The following RC3H1 variants were observed in gnomAD, a reference collection of about 807,000 sequenced individuals.
RC3H1 encodes the protein ring finger and CCCH-type domains 1.
Under a neutral mutation model 138.2 loss-of-function variants are expected in RC3H1, and 50 were observed. That is an observed-to-expected ratio of 0.36 (90% CI 0.29 to 0.46). The LOEUF (loss-of-function observed/expected upper bound fraction) is 0.46. RC3H1 is among the 20% of genes least tolerant of loss of function. The probability of loss-of-function intolerance (pLI) is 1.00; values close to 1 mark genes in which losing one functional copy is unlikely to be tolerated. For missense variants in RC3H1, 1,031 were observed against 1,388.1 expected, an observed-to-expected ratio of 0.74 and a Z score of 4.09; for synonymous variants, 462 against 489.1, an observed-to-expected ratio of 0.94 and a Z score of 0.73.
chr1:173,999,924 A>G (rs1236385334), intron 1 of RC3H1, among the ~76,000 whole-genome samples: 1 of 152,226 alleles, frequency 6.6e-6, no homozygotes, highest in East Asian at 1.9e-4. Context: ...ACTCAAACTC[A>G]GGACAGCCAA....
chr1:173,964,697 T>C (rs1469202529), intron 10 of RC3H1, 142 bp downstream of exon 10: 2 of 776,698 alleles, frequency 2.6e-6, no homozygotes, highest in Admixed American at 2.9e-5. Context: ...AACACTAGCA[T>C]GGGAAATAAA....
At chr1:173,968,856 A>ATTTTTTTT (rs370550482) in intron 9 of RC3H1, among the ~76,000 whole-genome samples, 3 of 128,090 alleles carry the variant, frequency 2.3e-5, no homozygotes, top group Non-Finnish European at 3.3e-5. Flanking sequence ...AGGAATTTTG[A>ATTTTTTTT]TTTTTTTTTT....
At chr1:173,992,618 A>G in intron 2 of RC3H1, 137 bp downstream of exon 2, 1 of 640,890 alleles carries the variant, frequency 1.6e-6, no homozygotes, top group Non-Finnish European at 2.7e-6. Flanking sequence ...ATAGAAGGCA[A>G]TGTTACCCAA....
In RC3H1 at chr1:173,934,625, T is replaced by C. The variant is rs1030548419; in HGVS notation, c.*4096A>G. On this transcript the variant is annotated 3_prime_UTR_variant, in exon 20 of 20. Transcript: ENST00000367696. ...GTTACCATTCTTAACCAGACCTTTG[T>C]TTGCCTACCAGTAGGGCAAATACCA... 1.3e-5 allele frequency: 2 copies of C among 152,164 alleles called. No individual in the cohort carries two copies. The highest frequency in any genetic ancestry group is 1.5e-5 in the Non-Finnish European group (1 of 68,024). The allele number at this position is 152,164 out of a possible 1,614,324, so 9.4% of individuals were successfully genotyped here.
At chr1:173,948,621 T>C (rs1211200717) in intron 14 of RC3H1, among the ~76,000 whole-genome samples, 2 of 152,146 alleles carry the variant, frequency 1.3e-5, no homozygotes, top group African/African-American at 4.8e-5. Flanking sequence ...TTGTTTGTTT[T>C]TGAGACAGGG....
chr1:174,005,107 T>C (rs1349045766), intron 1 of RC3H1, among the ~76,000 whole-genome samples: 1 of 152,202 alleles, frequency 6.6e-6, no homozygotes, highest in East Asian at 1.9e-4. Context: ...AACAGTTGCA[T>C]GCAACAGAAG....
chr1:173,954,466 A>G (rs1269511726), intron 13 of RC3H1, among the ~76,000 whole-genome samples: 1 of 152,150 alleles, frequency 6.6e-6, no homozygotes, highest in African/African-American at 2.4e-5. Context: ...ACAGATACAA[A>G]ATTATAGCTA....
At chr1:173,982,122 G>A (rs1660846273) in intron 5 of RC3H1, among the ~76,000 whole-genome samples, 2 of 152,212 alleles carry the variant, frequency 1.3e-5, no homozygotes, top group Non-Finnish European at 2.9e-5. Context: ...GCTCACGCTT[G>A]TAATCCCAGC....
chr1:173,950,259 T>C (rs1167530321), intron 14 of RC3H1, among the ~76,000 whole-genome samples: 2 of 151,910 alleles, frequency 1.3e-5, no homozygotes, highest in Non-Finnish European at 2.9e-5. Context: ...TATAAACATA[T>C]AAAACAATAT....
At chr1:173,976,435 G>C (rs1159885546) in intron 7 of RC3H1, among the ~76,000 whole-genome samples, 2 of 150,058 alleles carry the variant, frequency 1.3e-5, no homozygotes, top group South Asian at 2.1e-4. Context: ...CTGGGGGACA[G>C]AGTGAAACTG....
intron 13 of RC3H1, among the ~76,000 whole-genome samples, chr1:173,957,852 C>T (rs1355509302): frequency 6.6e-6 from 1 of 152,120 alleles, no homozygotes; most frequent in Admixed American, 6.6e-5. Flanking sequence ...TGAGCTAATG[C>T]ACACCTGGCT....
At position 173,987,519 on chromosome 1, in the gene RC3H1, A is replaced by T. The variant is rs1421433604; in HGVS notation, c.232-2900T>A. Among the ~76,000 whole-genome samples the T allele has an allele frequency of 2.0e-5, 3 of 152,076 alleles. No homozygotes were observed. In the East Asian group the frequency reaches 5.8e-4, roughly 29 times the overall value. ...TTTTGAATACTTCTCTATACTTTCCAGTGCTACAAGCTACTCCAGACTCAT... is the reference window on the plus strand; with the variant it reads ...TTTTGAATACTTCTCTATACTTTCCTGTGCTACAAGCTACTCCAGACTCAT... On this transcript the variant is annotated intron_variant, in intron 2 of 19. Coordinates refer to ENST00000367696, the MANE Select transcript of RC3H1 (RefSeq NM_172071.4).
chr1:173,974,465 A>T (rs1050638361), intron 7 of RC3H1, among the ~76,000 whole-genome samples: 1 of 152,140 alleles, frequency 6.6e-6, no homozygotes, highest in Admixed American at 6.6e-5. Context: ...GTATGTTTCC[A>T]TACAACACAC....
intron 13 of RC3H1, among the ~76,000 whole-genome samples, 189 bp from the exon 14 acceptor site, chr1:173,952,327 T>C (rs1659441348): frequency 7.4e-6 from 1 of 134,804 alleles, no homozygotes; most frequent in Non-Finnish European, 1.5e-5. Flanking sequence ...CTATGAAAAA[T>C]ATAAAATAAG....
chr1:173,956,223 C>T (rs1049033572), intron 13 of RC3H1, among the ~76,000 whole-genome samples: 1 of 151,950 alleles, frequency 6.6e-6, no homozygotes, highest in Non-Finnish European at 1.5e-5. Context: ...CAAAGGGTGA[C>T]CTGAAACTCT....
At chr1:173,954,603 T>G (rs1433292060) in intron 13 of RC3H1, among the ~76,000 whole-genome samples, 1 of 152,246 alleles carries the variant, frequency 6.6e-6, no homozygotes, top group African/African-American at 2.4e-5. Flanking sequence ...TATGTTTTTT[T>G]GAAGAAAACT....
intron 1 of RC3H1, among the ~76,000 whole-genome samples, chr1:173,994,301 G>T (rs2103048886): frequency 6.6e-6 from 1 of 152,044 alleles, no homozygotes; most frequent in South Asian, 2.1e-4. Flanking sequence ...GCTGAGTAAG[G>T]AGAATTGCTT....
intron 2 of RC3H1, among the ~76,000 whole-genome samples, chr1:173,990,838 G>A (rs1323479004): frequency 1.3e-5 from 2 of 151,882 alleles, no homozygotes; most frequent in East Asian, 1.9e-4. Flanking sequence ...TCCTGACCTC[G>A]TGATCCACCC....
intron 13 of RC3H1, among the ~76,000 whole-genome samples, chr1:173,954,008 C>T (rs1383161895): frequency 6.6e-6 from 1 of 152,116 alleles, no homozygotes; most frequent in East Asian, 1.9e-4. Flanking sequence ...CACTGCACTC[C>T]AGCCTGGGCA....
Sources: allele counts gnomAD v4.1 joint callset (sites outside exome capture counted in the v4.1 genomes callset), GRCh38; gene constraint gnomAD v4.1.1; transcripts MANE v1.5; gene names NCBI Gene and HGNC (gene_info 2026-07-23, HGNC 2026-07-21).